Variants in SGCZ observed in about 807,000 individuals in gnomAD.
SGCZ encodes the protein zeta-sarcoglycan.
In SGCZ, 40 loss-of-function variants were observed where a neutral mutation model predicts 41.3. That is an observed-to-expected ratio of 0.97 (90% CI 0.75 to 1.26). SGCZ has a LOEUF of 1.26. SGCZ is among the 50% of genes most tolerant of loss of function. The pLI, the probability that SGCZ is intolerant of heterozygous loss-of-function variation, is 0.00. For synonymous variants in SGCZ, 206 were observed against 137.5 expected, an observed-to-expected ratio of 1.50 and a Z score of -3.49; for missense variants, 552 against 369.8, an observed-to-expected ratio of 1.49 and a Z score of -4.04.
intron 3 of SGCZ, among the ~76,000 whole-genome samples, chr8:14,251,475 G>C (rs924481568): frequency 3.9e-5 from 6 of 152,050 alleles, no homozygotes; most frequent in African/African-American, 1.4e-4. Context: ...CCACAAACAA[G>C]AACTGAATGG....
chr8:14,879,542 C>T (rs1298202153), intron 1 of SGCZ, among the ~76,000 whole-genome samples: 1 of 151,798 alleles, frequency 6.6e-6, no homozygotes, highest in Non-Finnish European at 1.5e-5. Context: ...TTATATATCA[C>T]ATACCAGGAG....
At chr8:14,831,629 CATAT>C (rs1398964784) in intron 1 of SGCZ, among the ~76,000 whole-genome samples, 5 of 122,256 alleles carry the variant, frequency 4.1e-5, no homozygotes, top group African/African-American at 1.4e-4. Context: ...CACATAGACA[CATAT>C]GTGTGTGTGT....
intron 3 of SGCZ, among the ~76,000 whole-genome samples, chr8:14,272,296 A>G (rs1366931127): frequency 6.6e-6 from 1 of 152,142 alleles, no homozygotes; most frequent in Non-Finnish European, 1.5e-5. Context: ...AAGCCACTGC[A>G]CCCGACCCTT....
rs991534967 is a variant in SGCZ, at chr8:14,459,227, T to C, written c.234+95505A>G. Among the ~76,000 whole-genome samples, 49 of 150,738 alleles carry C rather than the reference T, an allele frequency of 3.3e-4. 1 individual carries two copies. Among genetic ancestry groups the C allele is most frequent in the African/African-American group, 1.1e-3 (47 of 40,920 alleles). Reference sequence around the variant, plus strand: ...GTGGGAATTGAACAATGAGAACACTTGGACACAGGAAGGGGAACACCACAC... The same window carrying C: ...GTGGGAATTGAACAATGAGAACACTCGGACACAGGAAGGGGAACACCACAC... On this transcript the variant is annotated intron_variant, in intron 2 of 7. Coordinates refer to ENST00000382080, the MANE Select transcript of SGCZ (RefSeq NM_139167.4).
chr8:14,611,194 T>C (rs1281001392), intron 1 of SGCZ, among the ~76,000 whole-genome samples: 1 of 152,194 alleles, frequency 6.6e-6, no homozygotes. Context: ...TACTTTGCTC[T>C]TCCTCAACAC....
intron 1 of SGCZ, among the ~76,000 whole-genome samples, chr8:14,875,046 C>G (rs1003131192): frequency 6.6e-6 from 1 of 152,118 alleles, no homozygotes. Context: ...GTGTGTATTG[C>G]TATAACAAAT....
intron 1 of SGCZ, among the ~76,000 whole-genome samples, chr8:15,066,287 C>T (rs925145706): frequency 1.4e-5 from 2 of 146,380 alleles, no homozygotes; most frequent in African/African-American, 5.0e-5. Flanking sequence ...CGCAGTCCGG[C>T]CTGGGCGACA....
chr8:14,550,181 G>C (rs1413525937), intron 2 of SGCZ, among the ~76,000 whole-genome samples: 1 of 151,862 alleles, frequency 6.6e-6, no homozygotes, highest in East Asian at 1.9e-4. Flanking sequence ...ATAAATAAAT[G>C]AGATTTGTTC....
At chr8:14,183,221 G>A (rs1247373407) in intron 4 of SGCZ, among the ~76,000 whole-genome samples, 1 of 151,878 alleles carries the variant, frequency 6.6e-6, no homozygotes, top group Non-Finnish European at 1.5e-5. Context: ...GACTTAATCA[G>A]AAATAGAAAA....
chr8:14,429,432 G>A (rs974825502), intron 2 of SGCZ, among the ~76,000 whole-genome samples: 4 of 152,136 alleles, frequency 2.6e-5, no homozygotes, highest in Admixed American at 1.3e-4. Context: ...ACTGAAATAG[G>A]AGGAGGCCAG....
intron 6 of SGCZ, among the ~76,000 whole-genome samples, chr8:14,107,710 C>T (rs1359723909): frequency 6.6e-6 from 1 of 152,118 alleles, no homozygotes; most frequent in Non-Finnish European, 1.5e-5. Context: ...ATGATCATAT[C>T]TCACTGCAGC....
At chr8:14,753,437 G>C (rs1205889412) in intron 1 of SGCZ, among the ~76,000 whole-genome samples, 1 of 152,172 alleles carries the variant, frequency 6.6e-6, no homozygotes, top group African/African-American at 2.4e-5. Flanking sequence ...TGTATTATGT[G>C]TAAGAGATGT....
intron 1 of SGCZ, among the ~76,000 whole-genome samples, chr8:15,067,091 T>C (rs1036043924): frequency 2.6e-5 from 4 of 152,192 alleles, no homozygotes; most frequent in Non-Finnish European, 4.4e-5. Flanking sequence ...ATGTAGATGA[T>C]TGTGTGTAAA....
At chr8:15,072,987 TAG>T (rs1210763442) in intron 1 of SGCZ, among the ~76,000 whole-genome samples, 2 of 152,092 alleles carry the variant, frequency 1.3e-5, no homozygotes, top group Non-Finnish European at 2.9e-5. Flanking sequence ...TAGGAAGCAT[TAG>T]AGTGTTAAAT....
intron 1 of SGCZ, among the ~76,000 whole-genome samples, chr8:14,577,799 T>C (rs1804760736): frequency 1.3e-5 from 2 of 152,238 alleles, no homozygotes; most frequent in African/African-American, 4.8e-5. Context: ...TGAGATTCTG[T>C]GTGTATTGTA....
intron 1 of SGCZ, among the ~76,000 whole-genome samples, chr8:15,200,119 T>G (rs1800846731): frequency 6.6e-6 from 1 of 152,218 alleles, no homozygotes. Context: ...TATCTCTTCA[T>G]CCAAAGTAAA....
At chr8:14,574,213 G>A (rs978989722) in intron 1 of SGCZ, among the ~76,000 whole-genome samples, 2 of 152,078 alleles carry the variant, frequency 1.3e-5, no homozygotes, top group African/African-American at 2.4e-5. Flanking sequence ...CTCAGAAAAC[G>A]ATACTCCAAA....
At chr8:14,102,541 C>A (rs538382666) in intron 6 of SGCZ, 42 bp from the exon 7 acceptor site, 4 of 1,319,836 alleles carry the variant, frequency 3.0e-6, no homozygotes, top group Non-Finnish European at 3.9e-6. Context: ...AAAAAAAACA[C>A]AAAAAAATCA....
At chr8:14,757,285 G>T (rs1173248204) in intron 1 of SGCZ, among the ~76,000 whole-genome samples, 1 of 152,182 alleles carries the variant, frequency 6.6e-6, no homozygotes, top group Non-Finnish European at 1.5e-5. Flanking sequence ...CTGACTTCAG[G>T]TGATCCATCC....
Sources: allele counts gnomAD v4.1 joint callset (sites outside exome capture counted in the v4.1 genomes callset), GRCh38; gene constraint gnomAD v4.1.1; transcripts MANE v1.5; gene names NCBI Gene and HGNC (gene_info 2026-07-23, HGNC 2026-07-21).